TMC2: variants seen among roughly 807,000 people sequenced by gnomAD.
TMC2 encodes the protein transmembrane channel like 2.
A neutral mutation model predicts 105.9 loss-of-function variants in TMC2; 102 were observed. The ratio of observed to expected loss-of-function variants is 0.96; its 90% CI spans 0.82 to 1.14. The LOEUF (loss-of-function observed/expected upper bound fraction) is 1.14. TMC2 is among the 50% of genes most tolerant of loss of function. The pLI, the probability that TMC2 is intolerant of heterozygous loss-of-function variation, is 0.00. For missense variants in TMC2, 1,093 were observed against 1,134.3 expected (o/e 0.96, Z 0.52); for synonymous variants, 402 against 422.8 (o/e 0.95, Z 0.60).
chr20:2,605,477 A>G lies in TMC2; in HGVS notation c.1413+3176A>G, dbSNP rs575908477. 8.5e-5 allele frequency among the ~76,000 whole-genome samples: 13 copies of G among 152,064 alleles called. No homozygotes were observed. In the South Asian group the frequency reaches 2.5e-3, roughly 29 times the overall value. ...CTTTCTTCTGTGCATGTGCATGGAGAGAGAGAGAGAGAGATCTCTGGTATC... is the reference window on the plus strand; with the variant it reads ...CTTTCTTCTGTGCATGTGCATGGAGGGAGAGAGAGAGAGATCTCTGGTATC... On this transcript the variant is annotated intron_variant, in intron 11 of 19. Transcript: ENST00000358864.
intron 17 of TMC2, among the ~76,000 whole-genome samples, chr20:2,628,328 T>C (rs1015804808): frequency 1.3e-5 from 2 of 152,246 alleles, no homozygotes; most frequent in South Asian, 4.1e-4. Context: ...TGTATTCCTC[T>C]GCATTTCTCT....
intron 10 of TMC2, among the ~76,000 whole-genome samples, chr20:2,601,375 A>C (rs2086350437): frequency 6.6e-6 from 1 of 152,262 alleles, no homozygotes; most frequent in South Asian, 2.1e-4. Context: ...TTTTTATAGA[A>C]TGAGTTTGCC....
At chr20:2,599,154 G>C (rs575011181) in intron 10 of TMC2, among the ~76,000 whole-genome samples, 1 of 152,200 alleles carries the variant, frequency 6.6e-6, no homozygotes, top group African/African-American at 2.4e-5. Context: ...GCCAATCCCA[G>C]CTACTCGGGA....
intron 7 of TMC2, among the ~76,000 whole-genome samples, chr20:2,583,644 G>T (rs2086211272): frequency 6.6e-6 from 1 of 151,984 alleles, no homozygotes; most frequent in Non-Finnish European, 1.5e-5. Context: ...TGTATTTTTA[G>T]TAGAGACGGG....
chr20:2,627,420 G>C (rs909351920), intron 17 of TMC2, among the ~76,000 whole-genome samples: 3 of 152,196 alleles, frequency 2.0e-5, no homozygotes, highest in African/African-American at 7.2e-5. Context: ...AGGGCAATTT[G>C]TACACAGAGT....
At chr20:2,634,881 C>T (rs1285039717) in intron 17 of TMC2, among the ~76,000 whole-genome samples, 1 of 152,140 alleles carries the variant, frequency 6.6e-6, no homozygotes, top group African/African-American at 2.4e-5. Context: ...GCTCACTTGA[C>T]AGCCTCTGAC....
chr20:2,589,716 C>G (rs2086255870), intron 7 of TMC2, among the ~76,000 whole-genome samples: 1 of 152,180 alleles, frequency 6.6e-6, no homozygotes, highest in South Asian at 2.1e-4. Flanking sequence ...GTCTCCCAGG[C>G]TGGAGTGCAG....
At chr20:2,577,607 T>A (rs1358395544) in intron 5 of TMC2, among the ~76,000 whole-genome samples, 3 of 151,734 alleles carry the variant, frequency 2.0e-5, no homozygotes, top group Non-Finnish European at 4.4e-5. Context: ...GCCTGTCTGA[T>A]TCCTTCACAA....
intron 4 of TMC2, among the ~76,000 whole-genome samples, chr20:2,571,952 G>T (rs1218792903): frequency 6.6e-6 from 1 of 152,176 alleles, no homozygotes; most frequent in Non-Finnish European, 1.5e-5. Context: ...GGTCACAGGG[G>T]CCACAGTTCT....
intron 11 of TMC2, 87 bp downstream of exon 11, chr20:2,602,388 G>T: frequency 9.8e-7 from 1 of 1,023,106 alleles, no homozygotes; most frequent in Non-Finnish European, 1.4e-6. Context: ...TTTATCGAAA[G>T]TCTGGATTAT....
chr20:2,582,602 A>G lies in TMC2; in HGVS notation c.834+2546A>G, dbSNP rs189142416. Among the ~76,000 whole-genome samples the G allele has an allele frequency of 6.3e-3, 952 of 152,066 alleles. 11 individuals are homozygous for G. Among genetic ancestry groups the G allele is most frequent in the African/African-American group, 0.022 (916 of 41,462 alleles). ...GCAATTCTCGTGCCTCAGCCTCCCA[A>G]GTAGCTGGGATTACAGGCACGCACC... On this transcript the variant is annotated intron_variant, in intron 7 of 19. Coordinates refer to ENST00000358864, the MANE Select transcript of TMC2 (RefSeq NM_080751.3).
At chr20:2,579,606 T>A (rs1359569538) in intron 6 of TMC2, among the ~76,000 whole-genome samples, 3 of 151,810 alleles carry the variant, frequency 2.0e-5, no homozygotes, top group Admixed American at 6.6e-5. Flanking sequence ...GTATATTTAA[T>A]AGAGACAGGG....
chr20:2,578,288 C>A (rs2086161981), intron 5 of TMC2, among the ~76,000 whole-genome samples: 1 of 151,462 alleles, frequency 6.6e-6, no homozygotes, highest in Non-Finnish European at 1.5e-5. Flanking sequence ...CTACTGCACT[C>A]CAGCCTGGGC....
intron 7 of TMC2, among the ~76,000 whole-genome samples, chr20:2,581,645 G>A (rs933126714): frequency 6.6e-6 from 1 of 152,322 alleles, no homozygotes. Context: ...CTTCTTGGAA[G>A]CTTTTATTCC....
At chr20:2,537,479 G>A (rs528432737) in intron 2 of TMC2, among the ~76,000 whole-genome samples, 163 bp downstream of exon 2, 1 of 152,148 alleles carries the variant, frequency 6.6e-6, no homozygotes, top group African/African-American at 2.4e-5. Flanking sequence ...TAACATGGGA[G>A]GGGGCAGAGT....
intron 4 of TMC2, among the ~76,000 whole-genome samples, chr20:2,564,830 G>T (rs985403740): frequency 3.9e-5 from 6 of 152,064 alleles, no homozygotes; most frequent in African/African-American, 1.4e-4. Flanking sequence ...GCAAACAGTG[G>T]GTCTCCTTTC....
intron 2 of TMC2, among the ~76,000 whole-genome samples, chr20:2,539,533 A>C (rs773214375): frequency 1.9e-4 from 29 of 152,144 alleles, no homozygotes; most frequent in Non-Finnish European, 3.1e-4. Context: ...TGACGTTCCT[A>C]TTCAGTCCTT....
intron 4 of TMC2, among the ~76,000 whole-genome samples, chr20:2,563,624 C>A (rs1568506339): frequency 1.3e-5 from 2 of 152,156 alleles, no homozygotes. Context: ...AGTGTTCTCA[C>A]CACATACAAG....
chr20:2,558,206 G>A lies in TMC2; in HGVS notation c.83-250G>A. Reference sequence around the variant, plus strand: ...GTATAGGGCAGGACACCTGTCACAGGAGGTCTTCAAGGGAGACGGGAGGGA... The same window carrying A: ...GTATAGGGCAGGACACCTGTCACAGAAGGTCTTCAAGGGAGACGGGAGGGA... On this transcript the variant is annotated intron_variant, in intron 2 of 19. Coordinates refer to ENST00000358864, the MANE Select transcript of TMC2 (RefSeq NM_080751.3). This position sits in a 1 kb window ranked among gnomAD's most constrained non-coding sequence, Gnocchi z 4.6. 1.3e-6 allele frequency: 1 copy of A among 793,768 alleles called. No individual in the cohort carries two copies. Among genetic ancestry groups the A allele is most frequent in the East Asian group, 3.1e-5 (1 of 32,462 alleles). 49.2% of individuals were successfully genotyped at this position (793,768 alleles called of 1,614,324 possible). A position where few individuals can be genotyped will look rare whatever the true frequency, so the allele number is the denominator to read the frequency against.
Sources: gnomAD v4.1 joint callset for allele counts (sites outside exome capture counted in the v4.1 genomes callset) on GRCh38, gnomAD v4.1.1 for gene constraint, Gnocchi (gnomAD v3.1) non-coding constraint, MANE v1.5 for transcripts, NCBI Gene and HGNC (gene_info 2026-07-23, HGNC 2026-07-21) for gene names.